Variants in SKAP2 observed in about 807,000 individuals in gnomAD.
SKAP2 encodes src kinase associated phosphoprotein 2, also known as src kinase-associated phosphoprotein 2.
Under a neutral mutation model 54.9 loss-of-function variants are expected in SKAP2, and 28 were observed. That is an observed-to-expected ratio of 0.51 (90% confidence interval 0.38 to 0.70). SKAP2 has a LOEUF of 0.70. SKAP2 is among the 30% of genes least tolerant of loss of function. SKAP2 has a pLI of 0.00. For missense variants in SKAP2, 356 were observed against 424.1 expected, an observed-to-expected ratio of 0.84 and a Z score of 1.41; for synonymous variants, 137 against 134.3, an observed-to-expected ratio of 1.02 and a Z score of -0.14.
rs1394427241 is a variant in SKAP2 at position 26,725,181 on chromosome 7, T to C, written c.796+247A>G. ...TGAGCCACAAGTCCCAAGAGATTAG[T>C]ATTGTATCTGCTTCATTTTAATGTT... On this transcript the variant is annotated intron_variant, in intron 9 of 12. Coordinates refer to ENST00000345317, the MANE Select transcript of SKAP2 (RefSeq NM_003930.5). Among the ~76,000 whole-genome samples, 62 of 152,108 alleles carry C rather than the reference T, an allele frequency of 4.1e-4. 1 individual carries two copies. The highest frequency in any genetic ancestry group is 1.5e-4 in the Non-Finnish European group (10 of 67,992).
chr7:26,690,600 T>G (rs1025545298), intron 9 of SKAP2, among the ~76,000 whole-genome samples: 3 of 152,116 alleles, frequency 2.0e-5, no homozygotes, highest in African/African-American at 7.2e-5. Context: ...CTTTCCAACT[T>G]TCCAATAAAA....
chr7:26,748,179 A>C (rs576033683), intron 4 of SKAP2, among the ~76,000 whole-genome samples: 2 of 152,250 alleles, frequency 1.3e-5, no homozygotes, highest in African/African-American at 4.8e-5. Context: ...TTTCTCATAA[A>C]AGTAGATGTG....
At chr7:26,670,418 A>G (rs1786202885) in intron 11 of SKAP2, among the ~76,000 whole-genome samples, 1 of 152,144 alleles carries the variant, frequency 6.6e-6, no homozygotes, top group African/African-American at 2.4e-5. Context: ...CACAGAACAC[A>G]GAAACAATCA....
intron 3 of SKAP2, among the ~76,000 whole-genome samples, chr7:26,850,020 T>C (rs1199084959): frequency 6.6e-6 from 1 of 152,140 alleles, no homozygotes; most frequent in Non-Finnish European, 1.5e-5. Flanking sequence ...GACACAACTA[T>C]AGCCCAAATT....
chr7:26,663,361 C>T (rs940113174), downstream of SKAP2, among the ~76,000 whole-genome samples: 4 of 152,162 alleles, frequency 2.6e-5, no homozygotes, highest in Admixed American at 2.0e-4. Flanking sequence ...CCTCAGCCTC[C>T]AATCACTGAA....
intron 4 of SKAP2, among the ~76,000 whole-genome samples, chr7:26,842,784 A>G (rs189997512): frequency 1.3e-4 from 20 of 152,068 alleles, no homozygotes; most frequent in African/African-American, 4.8e-4. Flanking sequence ...TTCTAGTAGA[A>G]ATGCTTTTGA....
intron 4 of SKAP2, among the ~76,000 whole-genome samples, chr7:26,799,135 CAA>C (rs1311896387): frequency 6.6e-6 from 1 of 151,268 alleles, no homozygotes; most frequent in Non-Finnish European, 1.5e-5. Flanking sequence ...CAAGGCAAGG[CAA>C]GGCAAGGCAA....
At chr7:26,793,943 C>T (rs532529437) in intron 4 of SKAP2, among the ~76,000 whole-genome samples, 2 of 152,222 alleles carry the variant, frequency 1.3e-5, no homozygotes, top group South Asian at 2.1e-4. Context: ...GAAATTAAAG[C>T]CCAAAAGAAA....
At chr7:26,770,439 C>T (rs1783164460) in intron 4 of SKAP2, among the ~76,000 whole-genome samples, 1 of 152,150 alleles carries the variant, frequency 6.6e-6, no homozygotes, top group Non-Finnish European at 1.5e-5. Flanking sequence ...TCCCTGGCTT[C>T]AGTCCCTTTT....
downstream of SKAP2, among the ~76,000 whole-genome samples, chr7:26,664,250 A>G (rs79007741): frequency 7.0e-3 from 1,063 of 152,318 alleles, 11 homozygotes; most frequent in African/African-American, 0.025. Flanking sequence ...ATGGTAATGA[A>G]TAACAGAACT....
At chr7:26,796,785 A>G (rs1783790585) in intron 4 of SKAP2, among the ~76,000 whole-genome samples, 1 of 152,224 alleles carries the variant, frequency 6.6e-6, no homozygotes, top group South Asian at 2.1e-4. Flanking sequence ...TCAACTGTTT[A>G]TGTTGTTGGT....
At chr7:26,685,382 A>G (rs1416021018) in intron 10 of SKAP2, among the ~76,000 whole-genome samples, 1 of 152,194 alleles carries the variant, frequency 6.6e-6, no homozygotes, top group Non-Finnish European at 1.5e-5. Flanking sequence ...CTGGTTAATG[A>G]AAGACAACAA....
chr7:26,688,256 C>CA (rs1371539601), intron 10 of SKAP2, among the ~76,000 whole-genome samples: 3 of 151,538 alleles, frequency 2.0e-5, no homozygotes, highest in South Asian at 2.1e-4. Context: ...CTATAATGTT[C>CA]AAAAAAAATC....
chr7:26,690,677 AC>A (rs1313109890), intron 9 of SKAP2, among the ~76,000 whole-genome samples: 1 of 152,156 alleles, frequency 6.6e-6, no homozygotes, highest in Non-Finnish European at 1.5e-5. Context: ...GTACTAATGC[AC>A]TGCATGTTTT....
chr7:26,854,051 T>C, intron 3 of SKAP2, 86 bp downstream of exon 3: 1 of 856,208 alleles, frequency 1.2e-6, no homozygotes, highest in East Asian at 2.7e-5. Flanking sequence ...ATTCCAACTA[T>C]CAAATTTCAG....
chr7:26,845,259 AC>A (rs1201194381), intron 3 of SKAP2, among the ~76,000 whole-genome samples: 1 of 152,194 alleles, frequency 6.6e-6, no homozygotes, highest in Non-Finnish European at 1.5e-5. Flanking sequence ...GTCCTCTGAC[AC>A]CCATTTGATG....
chr7:26,688,167 C>T (rs530840508), intron 10 of SKAP2, among the ~76,000 whole-genome samples: 5 of 151,954 alleles, frequency 3.3e-5, no homozygotes, highest in Non-Finnish European at 7.4e-5. Flanking sequence ...ACGGGTGAAA[C>T]ATATGAGAAT....
chr7:26,826,077 C>T (rs1441164359), intron 4 of SKAP2, among the ~76,000 whole-genome samples: 2 of 151,740 alleles, frequency 1.3e-5, no homozygotes, highest in African/African-American at 4.8e-5. Flanking sequence ...TCCACAAACT[C>T]TTTTTTGGGC....
intron 4 of SKAP2, among the ~76,000 whole-genome samples, chr7:26,751,724 T>C (rs1267786126): frequency 2.6e-5 from 4 of 152,308 alleles, no homozygotes; most frequent in South Asian, 2.1e-4. Context: ...TTTTTCAATA[T>C]AGATATGAAA....
Sources: gnomAD v4.1 joint callset for allele counts (sites outside exome capture counted in the v4.1 genomes callset) on GRCh38, gnomAD v4.1.1 for gene constraint, MANE v1.5 for transcripts, NCBI Gene and HGNC (gene_info 2026-07-23, HGNC 2026-07-21) for gene names.